Variants in MARS1 observed in about 807,000 individuals in gnomAD.
MARS1 encodes methionyl-tRNA synthetase 1.
MARS1 carries 80 observed loss-of-function variants against 119.5 expected under a neutral mutation model. The ratio of observed to expected loss-of-function variants is 0.67; its 90% confidence interval spans 0.56 to 0.81. The LOEUF (loss-of-function observed/expected upper bound fraction) is 0.81. Ranked by LOEUF, MARS1 falls within the 30% of genes least tolerant of loss-of-function variation. MARS1 has a pLI of 0.00. For synonymous variants in MARS1, 418 were observed against 433.4 expected, an observed-to-expected ratio of 0.96 and a Z score of 0.44; for missense variants, 945 against 1,116.5, an observed-to-expected ratio of 0.85 and a Z score of 2.19.
At position 57,515,154 on chromosome 12, in the gene MARS1, C is replaced by T. The variant is rs139536122; in HGVS notation, c.2209C>T (p.Arg737Trp). Residue 737 changes from arginine to tryptophan, a missense_variant, in exon 18 of 21, where the codon CGG becomes TGG. By Grantham distance (101) the Arg-to-Trp change is moderately radical. Transcript: ENST00000262027. ...RIKGSEADRQ[R>W]AGTVTGLAVN... Reference sequence around the variant, plus strand: ...CTAATGTCTCCTCTTCCTCAGGCAACGGGCAGGAACAGTGACTGGCTTGGC... The same window carrying T: ...CTAATGTCTCCTCTTCCTCAGGCAATGGGCAGGAACAGTGACTGGCTTGGC... The T allele has an allele frequency of 1.8e-5, 29 of 1,614,060 alleles. No homozygotes were observed. The highest frequency in any genetic ancestry group is 8.9e-5 in the East Asian group (4 of 44,904).
chr12:57,513,594 A>C (rs945244596), intron 15 of MARS1, among the ~76,000 whole-genome samples: 1 of 150,538 alleles, frequency 6.6e-6, no homozygotes, highest in Non-Finnish European at 1.5e-5. Flanking sequence ...CAGCCTTGGC[A>C]AAAGAGGGAG....
chr12:57,511,009 G>A (rs1877486099), intron 11 of MARS1, among the ~76,000 whole-genome samples: 1 of 152,092 alleles, frequency 6.6e-6, no homozygotes, highest in Non-Finnish European at 1.5e-5. Context: ...GGGAGGTTGA[G>A]GCTGCAGTGA....
Position 57,499,439 on chromosome 12 carries a change from C to CAA in MARS1, c.1091+830_1091+831dup, listed in dbSNP as rs71280718. ...TGAAACCCTGTCTCTACTAAAAATA[C>CAA]AAAAAAAAAAAAAAATTAACCAGGC... is the stretch of plus-strand genomic sequence containing the variant. On this transcript the variant is annotated intron_variant, in intron 9 of 20. Transcript: ENST00000262027. Among the ~76,000 whole-genome samples, 129 of 123,186 alleles carry CAA rather than the reference C, an allele frequency of 1.0e-3. 1 individual carries two copies. Among genetic ancestry groups the CAA allele is most frequent in the African/African-American group, 1.9e-3 (66 of 33,950 alleles). 80.8% of individuals were successfully genotyped at this position (123,186 alleles called of 152,430 possible). A position where few individuals can be genotyped will look rare whatever the true frequency, so the allele number is the denominator to read the frequency against.
At chr12:57,497,365 G>A (rs1876684848) in intron 7 of MARS1, among the ~76,000 whole-genome samples, 1 of 152,178 alleles carries the variant, frequency 6.6e-6, no homozygotes, top group African/African-American at 2.4e-5. Flanking sequence ...GAAGGGTTGA[G>A]GTTAATGTGA....
intron 7 of MARS1, 124 bp from the exon 8 acceptor site, chr12:57,498,033 G>A (rs1228501033): frequency 1.1e-5 from 8 of 703,178 alleles, no homozygotes; most frequent in East Asian, 9.9e-5. Context: ...TGTGCAGAAA[G>A]ACTTCAAGTG....
In MARS1 at chr12:57,515,966, T is replaced by A; in HGVS notation, c.2438T>A (p.Leu813Ter). 6.2e-7 allele frequency: 1 copy of A among 1,614,170 alleles called. No individual in the cohort carries two copies. Among genetic ancestry groups the A allele is most frequent in the Non-Finnish European group, 8.5e-7 (1 of 1,180,032 alleles). The change falls in exon 19 of 21, where the codon TTA becomes TAA. Residue 813 changes from leucine (L) to a stop codon, truncating the protein, a stop_gained. Transcript: ENST00000262027. LOFTEE classifies it high-confidence loss of function. ...TTGGAAAATGACCAGATTGAAAGTT[T>A]AAGGCAGCGCTTTGGAGGGGGCCAG... ...QKLENDQIES[L>*]RQRFGGGQAK...
At chr12:57,505,387 C>A (rs1248871823) in intron 11 of MARS1, among the ~76,000 whole-genome samples, 2 of 152,054 alleles carry the variant, frequency 1.3e-5, no homozygotes, top group Non-Finnish European at 2.9e-5. Context: ...GTCTCGAACT[C>A]CTGACCTCAG....
rs769627922 is a variant in MARS1 at position 57,516,488 on chromosome 12, T to C, written c.2610T>C (p.Ala870=). Residue 870 remains alanine (A), a synonymous_variant, in exon 21 of 21, where the codon GCT becomes GCC. Transcript: ENST00000262027. ...AAAAGGCAGACAAGAACGAGGTTGC[T>C]GCGGAGGTGGCGAAACTCTTGGATC... is the stretch of plus-strand genomic sequence containing the variant. ...KAQKADKNEV[A]AEVAKLLDLK... is the part of the protein sequence containing the mutation. 6 of 1,613,700 alleles carry C rather than the reference T, an allele frequency of 3.7e-6. No homozygotes were observed. The African/African-American group carries it at 8.0e-5, about 22-fold the overall frequency.
At chr12:57,511,653 T>A in intron 11 of MARS1, 45 bp from the exon 12 acceptor site, 1 of 1,604,570 alleles carries the variant, frequency 6.2e-7, no homozygotes, top group Non-Finnish European at 8.5e-7. Context: ...ATGCTAACCA[T>A]ATATGAGACT....
intron 11 of MARS1, among the ~76,000 whole-genome samples, chr12:57,508,620 A>G (rs1052013398): frequency 2.6e-4 from 39 of 152,202 alleles, no homozygotes; most frequent in Non-Finnish European, 5.0e-4. Context: ...AGTACAGTCC[A>G]GCTTCGGCTC....
intron 6 of MARS1, 31 bp from the exon 7 acceptor site, chr12:57,490,507 C>T: frequency 6.2e-7 from 1 of 1,612,390 alleles, no homozygotes; most frequent in Non-Finnish European, 8.5e-7. Flanking sequence ...GCCCTCCTCA[C>T]CTGGTAAGGG....
At chr12:57,496,014 G>A (rs528217732) in intron 7 of MARS1, among the ~76,000 whole-genome samples, 3 of 152,228 alleles carry the variant, frequency 2.0e-5, no homozygotes, top group East Asian at 3.9e-4. Context: ...GTGGAAAGTC[G>A]GAGACAGGGA....
At chr12:57,508,073 CAG>C (rs1251884509) in intron 11 of MARS1, among the ~76,000 whole-genome samples, 2 of 151,974 alleles carry the variant, frequency 1.3e-5, no homozygotes, top group Admixed American at 1.3e-4. Flanking sequence ...GGCAGCCGGG[CAG>C]AGACACTCCT....
chr12:57,493,306 T>TATATATTATATA lies in MARS1; in HGVS notation c.770+2675_770+2686dup, dbSNP rs1478246243. On this transcript the variant is annotated intron_variant, in intron 7 of 20. Coordinates refer to ENST00000262027, the MANE Select transcript of MARS1 (RefSeq NM_004990.4). ...GCTTGTTTTGAGTATATATATATAATATATATTATATAATATATTATATAT... is the reference window on the plus strand; with the variant it reads ...GCTTGTTTTGAGTATATATATATAATATATATTATATAATATATTATATAATATATTATATAT... Among the ~76,000 whole-genome samples the TATATATTATATA allele has an allele frequency of 2.8e-5, 3 of 107,412 alleles. No homozygotes were observed. In the South Asian group the frequency reaches 7.2e-4, roughly 26 times the overall value. 70.5% of individuals were successfully genotyped at this position (107,412 alleles called of 152,430 possible).
At position 57,498,229 on chromosome 12, in the gene MARS1, T is replaced by G. The variant is rs569333899; in HGVS notation, c.843T>G (p.Leu281=). 4 of 1,614,160 alleles carry G rather than the reference T, an allele frequency of 2.5e-6. No individual in the cohort carries two copies. The highest frequency in any genetic ancestry group is 2.7e-5 in the African/African-American group (2 of 75,022). The change falls in exon 8 of 21, where the codon CTT becomes CTG. Residue 281 remains leucine, a synonymous_variant. Transcript: ENST00000262027. ...CTTACGTCAACAATGTCCCCCACCT[T>G]GGGAACATCATTGGTTGTGTGCTCA... ...ALPYVNNVPH[L]GNIIGCVLSA...
chr12:57,514,866 CCT>C lies in MARS1; in HGVS notation c.2099+18_2099+19del, dbSNP rs2140037113. 10 of 1,613,412 alleles carry C rather than the reference CCT, an allele frequency of 6.2e-6. No homozygotes were observed. The highest frequency in any genetic ancestry group is 2.2e-5 in the South Asian group (2 of 91,054). The stretch of plus-strand genomic sequence containing the variant: ...GAGAAGGTTCGGTAAGTAACTGACA[CCT>C]CTGTCTTTTCTGCTGGCATGTTGAG... On this transcript the variant is annotated intron_variant, in intron 16 of 20. Transcript: ENST00000262027.
rs377182399 is a variant in MARS1, at chr12:57,498,381, G to A, written c.888-39G>A. On this transcript the variant is annotated intron_variant, in intron 8 of 20. Coordinates refer to ENST00000262027, the MANE Select transcript of MARS1 (RefSeq NM_004990.4). ...GAGATCCCAAGGACAAGGAAGCGCT[G>A]AAGCGGGGCCCCCTAGCGATCACCA... 1.5e-4 allele frequency: 248 copies of A among 1,606,192 alleles called. No individual in the cohort carries two copies. The Middle Eastern group carries it at 3.9e-3, about 25-fold the overall frequency.
At chr12:57,511,920 G>C in intron 12 of MARS1, 52 bp downstream of exon 12, 1 of 1,608,508 alleles carries the variant, frequency 6.2e-7, no homozygotes, top group Non-Finnish European at 8.5e-7. Context: ...GAAACCCTGG[G>C]CTAGCAGAGT....
At chr12:57,493,391 A>T (rs1164118628) in intron 7 of MARS1, among the ~76,000 whole-genome samples, 2 of 9,674 alleles carry the variant, frequency 2.1e-4, no homozygotes, top group Admixed American at 2.3e-3. Context: ...ATAATATATT[A>T]TATATAATAT....
Sources: gnomAD v4.1 joint callset for allele counts (sites outside exome capture counted in the v4.1 genomes callset) on GRCh38, gnomAD v4.1.1 for gene constraint, MANE v1.5 for transcripts, NCBI Gene and HGNC (gene_info 2026-07-23, HGNC 2026-07-21) for gene names.